Variants in TMEM132B observed in about 807,000 individuals in gnomAD.
TMEM132B encodes the protein transmembrane protein 132B.
A neutral mutation model predicts 90.8 loss-of-function variants in TMEM132B; 18 were observed. That is an observed-to-expected ratio of 0.20 (90% CI 0.14 to 0.29). The LOEUF (loss-of-function observed/expected upper bound fraction) is 0.29. Ranked by LOEUF, TMEM132B falls within the 10% of genes least tolerant of loss-of-function variation. The pLI, the probability that TMEM132B is intolerant of heterozygous loss-of-function variation, is 1.00. For missense variants in TMEM132B, 1,096 were observed against 1,326.8 expected, an observed-to-expected ratio of 0.83 and a Z score of 2.70; for synonymous variants, 504 against 523.3, an observed-to-expected ratio of 0.96 and a Z score of 0.50.
At chr12:125,576,569 T>A (rs540212194) in intron 4 of TMEM132B, among the ~76,000 whole-genome samples, 1 of 150,450 alleles carries the variant, frequency 6.6e-6, no homozygotes, top group African/African-American at 2.4e-5. Context: ...AAGCTTACAG[T>A]CTTTTACCAC....
At chr12:125,385,254 G>GT (rs1878796509) in intron 2 of TMEM132B, among the ~76,000 whole-genome samples, 1 of 152,072 alleles carries the variant, frequency 6.6e-6, no homozygotes, top group African/African-American at 2.4e-5. Context: ...ATCAAAGTTT[G>GT]TTTTTTTAAT....
At chr12:125,276,269 G>A (rs553549328) in intron 1 of TMEM132B, among the ~76,000 whole-genome samples, 1 of 152,196 alleles carries the variant, frequency 6.6e-6, no homozygotes, top group African/African-American at 2.4e-5. Context: ...ACCTCGAAGC[G>A]GTCAGACGAC....
chr12:125,367,049 T>A (rs1878155729), intron 2 of TMEM132B, among the ~76,000 whole-genome samples: 1 of 152,196 alleles, frequency 6.6e-6, no homozygotes, highest in Admixed American at 6.5e-5. Flanking sequence ...TTGCTGAGTT[T>A]TCATGGCTTT....
chr12:125,192,838 C>T (rs536094102), intron 1 of TMEM132B, among the ~76,000 whole-genome samples: 2 of 152,324 alleles, frequency 1.3e-5, no homozygotes, highest in South Asian at 4.1e-4. Flanking sequence ...TGTCTTTGCT[C>T]AATAAATTGG....
At chr12:125,583,209 A>G (rs537449285) in intron 4 of TMEM132B, among the ~76,000 whole-genome samples, 14 of 152,298 alleles carry the variant, frequency 9.2e-5, no homozygotes, top group Admixed American at 2.6e-4. Context: ...CTATGAACAT[A>G]TATTAGAACC....
In TMEM132B at chr12:125,432,413, A is replaced by ATATATATGTATGTATGTG. The variant is rs1880545576; in HGVS notation, c.1106+16743_1106+16744insGTATGTATGTGTATATAT. Reference sequence around the variant, plus strand: ...TATATATATATGTATGTATGTGTATATATATATATGTATGTGTATATATAT... The same window carrying ATATATATGTATGTATGTG: ...TATATATATATGTATGTATGTGTATATATATATGTATGTATGTGTATATATATGTATGTGTATATATAT... On this transcript the variant is annotated intron_variant, in intron 3 of 8. Coordinates refer to ENST00000682704, the MANE Select transcript of TMEM132B (RefSeq NM_001366854.1). Among the ~76,000 whole-genome samples, 6 of 67,532 alleles carry ATATATATGTATGTATGTG rather than the reference A, an allele frequency of 8.9e-5. 2 individuals are homozygous for ATATATATGTATGTATGTG. Among genetic ancestry groups the ATATATATGTATGTATGTG allele is most frequent in the South Asian group, 9.9e-4 (2 of 2,022 alleles). 44.3% of individuals were successfully genotyped at this position (67,532 alleles called of 152,430 possible).
chr12:125,513,328 G>A (rs192442576), intron 3 of TMEM132B, among the ~76,000 whole-genome samples: 50 of 122,784 alleles, frequency 4.1e-4, no homozygotes, highest in Middle Eastern at 4.5e-3. Flanking sequence ...TTGTATGTGC[G>A]TGTGCGTGTG....
At chr12:125,562,027 A>G (rs1156231790) in intron 4 of TMEM132B, among the ~76,000 whole-genome samples, 1 of 152,236 alleles carries the variant, frequency 6.6e-6, no homozygotes, top group Admixed American at 6.5e-5. Context: ...TGTTTCATCT[A>G]CATGGAAGAT....
intron 5 of TMEM132B, among the ~76,000 whole-genome samples, chr12:125,590,430 C>G (rs1406820811): frequency 6.6e-6 from 1 of 152,184 alleles, no homozygotes; most frequent in African/African-American, 2.4e-5. Context: ...AGAGATGGAA[C>G]AAGATACTAT....
At chr12:125,262,291 T>C (rs988707731) in intron 1 of TMEM132B, among the ~76,000 whole-genome samples, 2 of 150,416 alleles carry the variant, frequency 1.3e-5, no homozygotes, top group South Asian at 4.2e-4. Flanking sequence ...GACCTGGTGG[T>C]ATGCACCTTT....
At chr12:125,284,174 GATGTAC>G (rs532020820) in intron 1 of TMEM132B, among the ~76,000 whole-genome samples, 20 of 152,144 alleles carry the variant, frequency 1.3e-4, no homozygotes, top group Non-Finnish European at 2.8e-4. Context: ...TTTCTGCATA[GATGTAC>G]ATGTACATAG....
intron 1 of TMEM132B, among the ~76,000 whole-genome samples, chr12:125,282,027 C>CAA (rs869083244): frequency 0.021 from 325 of 15,778 alleles, 19 homozygotes; most frequent in Admixed American, 0.044. Context: ...GACTCCGTCT[C>CAA]AAAAAAAAAA....
intron 2 of TMEM132B, among the ~76,000 whole-genome samples, chr12:125,385,184 C>T (rs1330693479): frequency 6.6e-6 from 1 of 152,118 alleles, no homozygotes; most frequent in Non-Finnish European, 1.5e-5. Flanking sequence ...AGATTGTTTT[C>T]TTTGATGTAG....
chr12:125,594,633 T>A (rs1208488104), intron 5 of TMEM132B, among the ~76,000 whole-genome samples: 2 of 152,230 alleles, frequency 1.3e-5, no homozygotes, highest in Non-Finnish European at 2.9e-5. Context: ...TAGCGATTAC[T>A]GATGTTGAGC....
intron 5 of TMEM132B, among the ~76,000 whole-genome samples, chr12:125,593,963 C>T (rs116441851): frequency 0.016 from 2,505 of 152,178 alleles, 71 homozygotes; most frequent in African/African-American, 0.056. Context: ...TTAGTTTTGA[C>T]GATTTCATGA....
At chr12:125,247,024 G>C (rs1874221961) in intron 1 of TMEM132B, among the ~76,000 whole-genome samples, 1 of 152,178 alleles carries the variant, frequency 6.6e-6, no homozygotes, top group Non-Finnish European at 1.5e-5. Flanking sequence ...AAAGGAATCT[G>C]AGAGGGGACC....
intron 8 of TMEM132B, 108 bp from the exon 9 acceptor site, chr12:125,653,457 A>G: frequency 8.0e-7 from 1 of 1,245,718 alleles, no homozygotes; most frequent in Non-Finnish European, 1.1e-6. Context: ...ATAAAACTAT[A>G]GAAATCTTCT....
At chr12:125,373,579 A>ACGGTACTT (rs1005593628) in intron 2 of TMEM132B, among the ~76,000 whole-genome samples, 2 of 152,036 alleles carry the variant, frequency 1.3e-5, no homozygotes, top group Non-Finnish European at 2.9e-5. Flanking sequence ...CCCCCAGTCT[A>ACGGTACTT]CGGTACTTCG....
chr12:125,341,169 A>C (rs1426939763), intron 1 of TMEM132B, among the ~76,000 whole-genome samples: 1 of 152,110 alleles, frequency 6.6e-6, no homozygotes, highest in South Asian at 2.1e-4. Context: ...AATAGTGAGA[A>C]CTCTGCCTGG....
Sources: gnomAD v4.1 joint callset for allele counts (sites outside exome capture counted in the v4.1 genomes callset) on GRCh38, gnomAD v4.1.1 for gene constraint, MANE v1.5 for transcripts, NCBI Gene and HGNC (gene_info 2026-07-23, HGNC 2026-07-21) for gene names.